Variants in PYGB observed in about 807,000 individuals in gnomAD.
PYGB encodes glycogen phosphorylase, brain form.
In PYGB, 82 loss-of-function variants were observed where a neutral mutation model predicts 94.3. The ratio of observed to expected loss-of-function variants is 0.87; its 90% CI spans 0.73 to 1.04. The LOEUF (loss-of-function observed/expected upper bound fraction) is 1.04. PYGB is among the 50% of genes least tolerant of loss of function. PYGB has a pLI of 0.00. For missense variants in PYGB, 1,132 were observed against 1,158.2 expected (o/e 0.98, Z 0.33); for synonymous variants, 488 against 479.1 (o/e 1.02, Z -0.24).
At chr20:25,254,392 G>A (rs1285986987) in intron 1 of PYGB, among the ~76,000 whole-genome samples, 1 of 152,082 alleles carries the variant, frequency 6.6e-6, no homozygotes, top group Non-Finnish European at 1.5e-5. Flanking sequence ...AAGCCATTTG[G>A]AAATTCAAAG....
chr20:25,276,554 C>T (rs2088312557), intron 5 of PYGB, 92 bp from the exon 6 acceptor site: 1 of 1,044,154 alleles, frequency 9.6e-7, no homozygotes, highest in Non-Finnish European at 1.5e-6. Flanking sequence ...AGCAGGGCGC[C>T]AGGTGCCCAG....
intron 15 of PYGB, among the ~76,000 whole-genome samples, chr20:25,288,949 T>C (rs2088442443): frequency 6.6e-6 from 1 of 152,228 alleles, no homozygotes; most frequent in Non-Finnish European, 1.5e-5. Flanking sequence ...TGTCCCCACC[T>C]CCTGCCATGT....
In PYGB at chr20:25,265,592, A is replaced by ATTT. The variant is rs34336965; in HGVS notation, c.346-3519_346-3517dup. The stretch of plus-strand genomic sequence containing the variant: ...AGGTTGTTTGTTTTCTTGTTGTTGA[A>ATTT]TTTTTTTTTTTTTTTTTTTTGAAAT... On this transcript the variant is annotated intron_variant, in intron 2 of 19. Coordinates refer to ENST00000216962, the MANE Select transcript of PYGB (RefSeq NM_002862.4). Among the ~76,000 whole-genome samples the ATTT allele has an allele frequency of 2.8e-3, 330 of 119,626 alleles. 6 individuals are homozygous for ATTT. The highest frequency in any genetic ancestry group is 0.01 in the African/African-American group (314 of 30,520). 78.5% of individuals were successfully genotyped at this position (119,626 alleles called of 152,430 possible). A position where few individuals can be genotyped will look rare whatever the true frequency, so the allele number is the denominator to read the frequency against.
intron 1 of PYGB, among the ~76,000 whole-genome samples, chr20:25,252,586 C>T (rs923687629): frequency 2.6e-5 from 4 of 152,202 alleles, no homozygotes; most frequent in Non-Finnish European, 5.9e-5. Context: ...TCATGAAACT[C>T]AGGGAAACAC....
At position 25,294,206 on chromosome 20, in the gene PYGB, C is replaced by G. The variant is rs146169925; in HGVS notation, c.2226C>G (p.Ala742=). The change falls in exon 18 of 20, where the codon GCC becomes GCG. Residue 742 remains alanine, a synonymous_variant. Coordinates refer to ENST00000216962, the MANE Select transcript of PYGB (RefSeq NM_002862.4). ...ACCACCTGCCCGAGCTGAAGCAGGC[C>G]GTGGACCAGATCAGCAGTGGCTTTT... ...YYDHLPELKQ[A]VDQISSGFFS... is the part of the protein sequence containing the mutation. 5.6e-6 allele frequency: 9 copies of G among 1,613,826 alleles called. No homozygotes were observed. Among genetic ancestry groups the G allele is most frequent in the Non-Finnish European group, 7.6e-6 (9 of 1,180,008 alleles).
chr20:25,274,976 G>T (rs530996451), intron 5 of PYGB, among the ~76,000 whole-genome samples: 1 of 152,100 alleles, frequency 6.6e-6, no homozygotes, highest in African/African-American at 2.4e-5. Context: ...GGCAGGAGCT[G>T]TGTGTTGGGG....
chr20:25,278,148 G>A (rs541450848), intron 7 of PYGB, among the ~76,000 whole-genome samples, 171 bp from the exon 8 acceptor site: 130 of 152,346 alleles, frequency 8.5e-4, no homozygotes, highest in African/African-American at 3.0e-3. Flanking sequence ...CACAGGCGGG[G>A]TTACCTTCCT....
intron 18 of PYGB, chr20:25,294,987 A>C: frequency 3.7e-6 from 6 of 1,614,090 alleles, no homozygotes; most frequent in Non-Finnish European, 5.1e-6. Context: ...ACCAGCTCTG[A>C]CCACATGCTG....
intron 14 of PYGB, 94 bp from the exon 15 acceptor site, chr20:25,288,331 C>A: frequency 1.4e-6 from 2 of 1,391,974 alleles, no homozygotes; most frequent in Non-Finnish European, 2.0e-6. Flanking sequence ...CGTGCCTGTC[C>A]TGCCTCAGGG....
Position 25,288,453 on chromosome 20 carries a change from T to G in PYGB, c.1797T>G (p.Phe599Leu). The change falls in exon 15 of 20, where the codon TTT becomes TTG. Residue 599 changes from phenylalanine to leucine, a missense_variant. Physicochemically the swap from Phe to Leu is conservative, Grantham distance 22. Coordinates refer to ENST00000216962, the MANE Select transcript of PYGB (RefSeq NM_002862.4). ...NRIKRDPAKA[F>L]VPRTVMIGGK... Reference sequence around the variant, plus strand: ...TCAAGAGAGACCCGGCCAAGGCTTTTGTGCCCAGGACTGTTATGATTGGGG... The same window carrying G: ...TCAAGAGAGACCCGGCCAAGGCTTTGGTGCCCAGGACTGTTATGATTGGGG... 1.2e-6 allele frequency: 2 copies of G among 1,614,228 alleles called. No homozygotes were observed. The highest frequency in any genetic ancestry group is 1.7e-6 in the Non-Finnish European group (2 of 1,180,032).
intron 17 of PYGB, 66 bp downstream of exon 17, chr20:25,292,679 G>C: frequency 1.3e-6 from 2 of 1,536,418 alleles, no homozygotes; most frequent in South Asian, 2.4e-5. Flanking sequence ...TTGGGCTGGG[G>C]GCATTGGCTG....
rs12106151 is a variant in PYGB at position 25,280,854 on chromosome 20, A to T, written c.1240-95A>T. 5,827 of 1,468,384 alleles carry T rather than the reference A, an allele frequency of 4.0e-3. 196 individuals carry two copies. In the African/African-American group the frequency reaches 0.069, roughly 17 times the overall value. 91.0% of individuals were successfully genotyped at this position (1,468,384 alleles called of 1,614,324 possible). On this transcript the variant is annotated intron_variant, in intron 10 of 19. Transcript: ENST00000216962. ...TTCCCTGGAGGCAGCAGAGCTTCCC[A>T]TGGGTGGTCATGGAGTGTCCCCTGG...
intron 14 of PYGB, among the ~76,000 whole-genome samples, chr20:25,284,613 A>G (rs1017697141): frequency 6.6e-6 from 1 of 152,156 alleles, no homozygotes; most frequent in Non-Finnish European, 1.5e-5. Context: ...TTTTGTAGAG[A>G]CAGGGTTTCA....
At chr20:25,248,707 C>CGAGCCCGGGAGCCTGGCGGAT (rs1470576310) in intron 1 of PYGB, among the ~76,000 whole-genome samples, 4 of 152,222 alleles carry the variant, frequency 2.6e-5, no homozygotes, top group African/African-American at 9.6e-5. Flanking sequence ...GCCTGGCGGA[C>CGAGCCCGGGAGCCTGGCGGAT]GTTCCCGGTC....
At chr20:25,267,010 CAT>C (rs908442977) in intron 2 of PYGB, among the ~76,000 whole-genome samples, 1 of 152,168 alleles carries the variant, frequency 6.6e-6, no homozygotes, top group African/African-American at 2.4e-5. Flanking sequence ...GAAATGAAAA[CAT>C]ATGTCTACAT....
chr20:25,271,283 A>G, intron 3 of PYGB, 100 bp from the exon 4 acceptor site: 1 of 1,072,204 alleles, frequency 9.3e-7, no homozygotes, highest in Non-Finnish European at 1.4e-6. Context: ...AGTCAGTGTG[A>G]TCCCCTCTGA....
chr20:25,295,472 G>T, intron 18 of PYGB, 132 bp from the exon 19 acceptor site: 1 of 1,005,106 alleles, frequency 9.9e-7, no homozygotes, highest in South Asian at 1.4e-5. Context: ...GACCAGCTGC[G>T]TGGGTGGGCC....
intron 1 of PYGB, among the ~76,000 whole-genome samples, chr20:25,253,143 G>A (rs970616132): frequency 4.6e-5 from 7 of 152,198 alleles, no homozygotes; most frequent in African/African-American, 1.7e-4. Flanking sequence ...TCCCATGGGG[G>A]AAGGCCTTGC....
chr20:25,274,022 G>A (rs1364368888), intron 4 of PYGB, among the ~76,000 whole-genome samples: 1 of 152,144 alleles, frequency 6.6e-6, no homozygotes, highest in East Asian at 1.9e-4. Context: ...GTGTGTCCCC[G>A]TCAAAGCAAT....
Sources: allele counts gnomAD v4.1 joint callset (sites outside exome capture counted in the v4.1 genomes callset), GRCh38; gene constraint gnomAD v4.1.1; transcripts MANE v1.5; gene names NCBI Gene and HGNC (gene_info 2026-07-23, HGNC 2026-07-21).